TMEFF1: variants seen among roughly 807,000 people sequenced by gnomAD.
TMEFF1 encodes the protein transmembrane protein with EGF like and two follistatin like domains 1.
Under a neutral mutation model 47.5 loss-of-function variants are expected in TMEFF1, and 20 were observed. That is an observed-to-expected ratio of 0.42 (90% confidence interval 0.30 to 0.61). TMEFF1 has a LOEUF of 0.61. Among genes scored for constraint, TMEFF1 ranks in the 20% least tolerant of loss-of-function variants. The pLI, the probability that TMEFF1 is intolerant of heterozygous loss-of-function variation, is 0.19. For missense variants in TMEFF1, 411 were observed against 471.1 expected, an observed-to-expected ratio of 0.87 and a Z score of 1.18; for synonymous variants, 162 against 166.3, an observed-to-expected ratio of 0.97 and a Z score of 0.20.
intron 8 of TMEFF1, among the ~76,000 whole-genome samples, chr9:100,564,272 G>A (rs557363891): frequency 9.2e-5 from 14 of 152,126 alleles, no homozygotes; most frequent in African/African-American, 3.4e-4. Flanking sequence ...ACAGGGTTTT[G>A]CCATGTTGGC....
At chr9:100,476,783 G>A (rs1266913469) in intron 1 of TMEFF1, among the ~76,000 whole-genome samples, 9 of 146,442 alleles carry the variant, frequency 6.1e-5, no homozygotes, top group Admixed American at 1.4e-4. Context: ...AGCAAGCTCC[G>A]CCTCCCGGGT....
chr9:100,576,433 G>T, intron 9 of TMEFF1, 83 bp from the exon 10 acceptor site: 2 of 1,533,946 alleles, frequency 1.3e-6, no homozygotes, highest in Non-Finnish European at 1.8e-6. Flanking sequence ...TGCAAAATGT[G>T]TATTACTTTG....
At chr9:100,505,410 C>CAAAAAAAAA (rs60312984) in intron 2 of TMEFF1, among the ~76,000 whole-genome samples, 78 of 26,452 alleles carry the variant, frequency 2.9e-3, no homozygotes, top group East Asian at 7.1e-3. Flanking sequence ...GACCCTGTCT[C>CAAAAAAAAA]AAAAAAAAAA....
At chr9:100,475,796 C>T (rs1837214903) in intron 1 of TMEFF1, among the ~76,000 whole-genome samples, 1 of 148,322 alleles carries the variant, frequency 6.7e-6, no homozygotes, top group Non-Finnish European at 1.5e-5. Flanking sequence ...CTTGGAGTGA[C>T]CTCGGGTATG....
intron 5 of TMEFF1, among the ~76,000 whole-genome samples, chr9:100,527,494 A>T (rs955551062): frequency 6.6e-6 from 1 of 152,214 alleles, no homozygotes; most frequent in Non-Finnish European, 1.5e-5. Flanking sequence ...GCACCTGGAA[A>T]ATCGGGTCAC....
intron 4 of TMEFF1, among the ~76,000 whole-genome samples, chr9:100,515,684 G>T (rs956853020): frequency 6.6e-6 from 1 of 152,048 alleles, no homozygotes; most frequent in Non-Finnish European, 1.5e-5. Flanking sequence ...TACTCAGGAG[G>T]CTGAGGCAGG....
intron 9 of TMEFF1, 138 bp downstream of exon 9, chr9:100,572,814 C>T (rs965586580): frequency 1.8e-6 from 2 of 1,112,982 alleles, no homozygotes; most frequent in Admixed American, 3.3e-5. Context: ...TCTCCCTATC[C>T]TTCTTCTTTA....
At chr9:100,502,891 GA>G (rs1322831966) in intron 2 of TMEFF1, among the ~76,000 whole-genome samples, 4 of 152,202 alleles carry the variant, frequency 2.6e-5, no homozygotes, top group Admixed American at 6.5e-5. Flanking sequence ...TATGAGACTA[GA>G]TGCTGAGGAT....
rs869111876 is a variant in TMEFF1, at chr9:100,522,430, C to CTTTTTTTTTTTT, written c.560+5673_560+5684dup. Among the ~76,000 whole-genome samples, 23 of 69,644 alleles carry CTTTTTTTTTTTT rather than the reference C, an allele frequency of 3.3e-4. 1 individual carries two copies. The highest frequency in any genetic ancestry group is 3.9e-4 in the African/African-American group (7 of 18,068). The allele number at this position is 69,644 out of a possible 152,430, so 45.7% of individuals were successfully genotyped here. ...AGGTTCCTTTATCCAGAAATATCTT[C>CTTTTTTTTTTTT]TTTTTTTTTTTTTTTTTTTTTTTTT... On this transcript the variant is annotated intron_variant, in intron 5 of 9. Coordinates refer to ENST00000374879, the MANE Select transcript of TMEFF1 (RefSeq NM_003692.5).
chr9:100,552,538 T>C (rs1838843238), intron 7 of TMEFF1, among the ~76,000 whole-genome samples: 1 of 152,170 alleles, frequency 6.6e-6, no homozygotes, highest in South Asian at 2.1e-4. Flanking sequence ...GGTCACTTTG[T>C]TCAGTATAAA....
At chr9:100,503,535 AACACACAC>A (rs66485935) in intron 2 of TMEFF1, among the ~76,000 whole-genome samples, 17,653 of 143,954 alleles carry the variant, frequency 0.12, 1,562 homozygotes, top group East Asian at 0.49. Flanking sequence ...GAGAAACAGA[AACACACAC>A]ACACACACAC....
intron 5 of TMEFF1, among the ~76,000 whole-genome samples, chr9:100,531,714 C>G (rs1469745748): frequency 1.3e-5 from 2 of 152,092 alleles, no homozygotes; most frequent in Non-Finnish European, 2.9e-5. Flanking sequence ...CAATGCCTTT[C>G]TTCACAGAAT....
chr9:100,513,883 G>A (rs1024475059), intron 4 of TMEFF1, among the ~76,000 whole-genome samples: 3 of 152,178 alleles, frequency 2.0e-5, no homozygotes, highest in Middle Eastern at 3.2e-3. Flanking sequence ...GTGGAATTTA[G>A]AGTTTAATTT....
At chr9:100,553,867 G>A (rs1295171912) in intron 7 of TMEFF1, among the ~76,000 whole-genome samples, 1 of 152,016 alleles carries the variant, frequency 6.6e-6, no homozygotes, top group African/African-American at 2.4e-5. Flanking sequence ...GTAATTTATA[G>A]CACTGAAATG....
At chr9:100,495,487 C>T (rs369160454) in intron 1 of TMEFF1, among the ~76,000 whole-genome samples, 3 of 152,108 alleles carry the variant, frequency 2.0e-5, no homozygotes, top group African/African-American at 7.2e-5. Flanking sequence ...ACGCATTTAG[C>T]CCCTTAATTA....
At chr9:100,479,990 G>A (rs1318703489) in intron 1 of TMEFF1, among the ~76,000 whole-genome samples, 1 of 152,210 alleles carries the variant, frequency 6.6e-6, no homozygotes, top group Non-Finnish European at 1.5e-5. Context: ...TACCAGCAAT[G>A]TTTGAAGATC....
At chr9:100,558,340 T>G (rs1171396052) in intron 7 of TMEFF1, among the ~76,000 whole-genome samples, 1 of 152,240 alleles carries the variant, frequency 6.6e-6, no homozygotes, top group South Asian at 2.1e-4. Context: ...CCCATTGTTA[T>G]ACCCTTTCAT....
At chr9:100,523,321 TC>T (rs1190945189) in intron 5 of TMEFF1, among the ~76,000 whole-genome samples, 1 of 152,158 alleles carries the variant, frequency 6.6e-6, no homozygotes, top group African/African-American at 2.4e-5. Flanking sequence ...CTCCCACAGT[TC>T]CTATGTGACC....
intron 1 of TMEFF1, among the ~76,000 whole-genome samples, chr9:100,482,908 A>G (rs527503649): frequency 2.6e-5 from 4 of 152,032 alleles, no homozygotes; most frequent in African/African-American, 9.6e-5. Context: ...CCTCCTTTGT[A>G]TTTGAAACCT....
Sources: gnomAD v4.1 joint callset for allele counts (sites outside exome capture counted in the v4.1 genomes callset) on GRCh38, gnomAD v4.1.1 for gene constraint, MANE v1.5 for transcripts, NCBI Gene and HGNC (gene_info 2026-07-23, HGNC 2026-07-21) for gene names.